Variants in BOC observed in about 807,000 individuals in gnomAD.
The protein encoded by BOC is BOC cell adhesion associated, oncogene regulated, also known as brother of CDO.
In BOC, 76 loss-of-function variants were observed where a neutral mutation model predicts 112.0. The ratio of observed to expected loss-of-function variants is 0.68; its 90% confidence interval spans 0.56 to 0.82. BOC has a LOEUF of 0.82. Ranked by LOEUF, BOC falls within the 40% of genes least tolerant of loss-of-function variation. The pLI is 0.00. For synonymous variants in BOC, 580 were observed against 599.8 expected (o/e 0.97, Z 0.48); for missense variants, 1,309 against 1,511.7 (o/e 0.87, Z 2.22).
chr3:113,214,984 A>G (rs1939067038), intron 1 of BOC, among the ~76,000 whole-genome samples: 1 of 152,234 alleles, frequency 6.6e-6, no homozygotes, highest in Non-Finnish European at 1.5e-5. Flanking sequence ...ATGTGCATGC[A>G]TACTTTTGAC....
intron 2 of BOC, among the ~76,000 whole-genome samples, chr3:113,221,652 A>G (rs1272879606): frequency 6.6e-6 from 1 of 152,110 alleles, no homozygotes; most frequent in East Asian, 1.9e-4. Flanking sequence ...TTCTATCAAC[A>G]TTTCTGGCTT....
chr3:113,286,747 G>A lies in BOC; in HGVS notation c.3233G>A (p.Gly1078Glu), dbSNP rs1374713758. The change falls in exon 20 of 20, where the codon GGA becomes GAA. Residue 1078 changes from glycine to glutamate, a missense_variant. Coordinates refer to ENST00000682979, the MANE Select transcript of BOC (RefSeq NM_001378074.1). ...CCTGACTCCTGCCAAGTGAGTGGAG[G>A]AGACTGGTGTCCCCAGCACCCCGTA... ...DSPDSCQVSG[G>E]DWCPQHPVGA... The A allele has an allele frequency of 6.2e-7, 1 of 1,613,868 alleles. No individual in the cohort carries two copies. Among genetic ancestry groups the A allele is most frequent in the Non-Finnish European group, 8.5e-7 (1 of 1,179,834 alleles).
At chr3:113,243,590 C>T (rs894202106) in intron 2 of BOC, among the ~76,000 whole-genome samples, 2 of 152,098 alleles carry the variant, frequency 1.3e-5, no homozygotes, top group South Asian at 2.1e-4. Context: ...TTCACTCAGG[C>T]GGTCGTAGGA....
chr3:113,274,331 A>G lies in BOC; in HGVS notation c.1235-44A>G, dbSNP rs2107674595. ...CCAGGAACAACAGCTCAGCAGGTAA[A>G]CCAGGAGACTAACCTTTCCTTCTGC... On this transcript the variant is annotated intron_variant, in intron 8 of 19. Transcript: ENST00000682979. This position sits in a 1 kb window ranked among gnomAD's most constrained non-coding sequence, Gnocchi z 4.8. 6.8e-7 allele frequency: 1 copy of G among 1,473,220 alleles called. No individual in the cohort carries two copies. The highest frequency in any genetic ancestry group is 9.0e-7 in the Non-Finnish European group (1 of 1,112,726). 91.3% of individuals were successfully genotyped at this position (1,473,220 alleles called of 1,614,324 possible).
chr3:113,236,319 G>GGTATATATATATATATATAAACATGA (rs1371125593), intron 2 of BOC, among the ~76,000 whole-genome samples: 1 of 44,510 alleles, frequency 2.2e-5, no homozygotes, highest in African/African-American at 6.0e-5. Flanking sequence ...TATACCCATG[G>GGTATATATATATATATATAAACATGA]AATACTGCTC....
chr3:113,274,316 C>G lies in BOC; in HGVS notation c.1235-59C>G. On this transcript the variant is annotated intron_variant, in intron 8 of 19. Coordinates refer to ENST00000682979, the MANE Select transcript of BOC (RefSeq NM_001378074.1). This position sits in a 1 kb window ranked among gnomAD's most constrained non-coding sequence, Gnocchi z 4.8. ...CTTTCTGTTTTCTCCCCAGGAACAA[C>G]AGCTCAGCAGGTAAACCAGGAGACT... The G allele has an allele frequency of 1.4e-6, 2 of 1,446,254 alleles. No homozygotes were observed. The highest frequency in any genetic ancestry group is 1.8e-6 in the Non-Finnish European group (2 of 1,093,080). The allele number at this position is 1,446,254 out of a possible 1,614,324, so 89.6% of individuals were successfully genotyped here. A position where few individuals can be genotyped will look rare whatever the true frequency, so the allele number is the denominator to read the frequency against.
Position 113,270,841 on chromosome 3 carries a change from G to A in BOC, c.564G>A (p.Val188=). ...LIMPSGNLQI[V]NASQEDEGMY... Reference sequence around the variant, plus strand: ...TGCCCTCAGGGAACCTCCAGATTGTGAATGCCAGCCAGGAGGACGAGGGCA... The same window carrying A: ...TGCCCTCAGGGAACCTCCAGATTGTAAATGCCAGCCAGGAGGACGAGGGCA... Residue 188 remains valine (V), a synonymous_variant, in exon 6 of 20, where the codon GTG becomes GTA. Coordinates refer to ENST00000682979, the MANE Select transcript of BOC (RefSeq NM_001378074.1). 1.9e-6 allele frequency: 3 copies of A among 1,613,984 alleles called. No individual in the cohort carries two copies. The highest frequency in any genetic ancestry group is 2.5e-6 in the Non-Finnish European group (3 of 1,179,904).
chr3:113,262,418 C>T (rs892010364), intron 4 of BOC, among the ~76,000 whole-genome samples: 1 of 152,218 alleles, frequency 6.6e-6, no homozygotes, highest in Non-Finnish European at 1.5e-5. Context: ...GCATAATAGA[C>T]AATTCTGCAG....
At chr3:113,256,755 A>ATG (rs142653702) in intron 4 of BOC, among the ~76,000 whole-genome samples, 18,357 of 151,256 alleles carry the variant, frequency 0.12, 1,217 homozygotes, top group African/African-American at 0.17. Flanking sequence ...TAATACATAT[A>ATG]TGTGTGTGTG....
At position 113,211,689 on chromosome 3, in the gene BOC, T is replaced by G. The variant is rs972020200; in HGVS notation, c.-497T>G. The G allele has an allele frequency of 6.6e-6, 1 of 151,962 alleles. No homozygotes were observed. 9.4% of individuals were successfully genotyped at this position (151,962 alleles called of 1,614,324 possible). A position where few individuals can be genotyped will look rare whatever the true frequency, so the allele number is the denominator to read the frequency against. On this transcript the variant is annotated 5_prime_UTR_variant, in exon 1 of 20. Coordinates refer to ENST00000682979, the MANE Select transcript of BOC (RefSeq NM_001378074.1). ...GGGACCCTGAGCCCCGGCCCGCCGG[T>G]GTCAGCCGCCGCGCGCGCGCACAGA...
intron 4 of BOC, among the ~76,000 whole-genome samples, chr3:113,255,618 A>G (rs935429370): frequency 1.3e-5 from 2 of 152,168 alleles, no homozygotes; most frequent in Non-Finnish European, 2.9e-5. Context: ...GTTAATGTGA[A>G]GTCTTAAGCT....
intron 4 of BOC, among the ~76,000 whole-genome samples, chr3:113,265,620 C>T (rs1283039994): frequency 2.0e-5 from 3 of 152,228 alleles, no homozygotes; most frequent in Non-Finnish European, 2.9e-5. Flanking sequence ...TTAGCTAGAA[C>T]ATGTTGAGCT....
chr3:113,249,500 C>T (rs960269999), intron 2 of BOC, among the ~76,000 whole-genome samples: 14 of 152,230 alleles, frequency 9.2e-5, no homozygotes, highest in African/African-American at 1.9e-4. Flanking sequence ...ATAAAATCAC[C>T]TTCTAGCTAG....
intron 2 of BOC, among the ~76,000 whole-genome samples, chr3:113,216,787 A>G (rs1482224520): frequency 1.3e-5 from 2 of 152,196 alleles, no homozygotes; most frequent in African/African-American, 2.4e-5. Context: ...TGTTTGGGAC[A>G]GGATTATTGG....
At chr3:113,254,571 G>A (rs561931507) in intron 4 of BOC, among the ~76,000 whole-genome samples, 9 of 152,336 alleles carry the variant, frequency 5.9e-5, no homozygotes, top group Admixed American at 1.3e-4. Context: ...AGTGGTAGAC[G>A]GGATTACCGA....
intron 2 of BOC, among the ~76,000 whole-genome samples, chr3:113,223,188 C>A (rs1200517932): frequency 6.6e-6 from 1 of 152,220 alleles, no homozygotes; most frequent in Non-Finnish European, 1.5e-5. Context: ...AATCCCAAAC[C>A]CCACATGTAA....
rs80021111 is a variant in BOC, at chr3:113,212,709, A to T, written c.-170+693A>T. ...GGTGAAAGAGGTGTGTGTGTGTGTG[A>T]GAGAGAGAGTTCGTGTGTGCGTGTA... On this transcript the variant is annotated intron_variant, in intron 1 of 19. Transcript: ENST00000682979. 4.6e-4 allele frequency: 64 copies of T among 140,264 alleles called. 1 individual carries two copies. The highest frequency in any genetic ancestry group is 4.4e-4 in the South Asian group (2 of 4,524). 8.7% of individuals were successfully genotyped at this position (140,264 alleles called of 1,614,324 possible).
chr3:113,223,237 C>T (rs1941059384), intron 2 of BOC, among the ~76,000 whole-genome samples: 1 of 152,228 alleles, frequency 6.6e-6, no homozygotes, highest in Admixed American at 6.5e-5. Context: ...AAGCCTCCAG[C>T]TCCAGTTTTG....
chr3:113,274,407 C>A lies in BOC; in HGVS notation c.1267C>A (p.Leu423Met). ...ITPRLWQDAE[L>M]ATGTPPVSPS... ...CCCAAGGCTATGGCAGGATGCTGAG[C>A]TGGCTACTGGCACACCTCCTGTATC... Residue 423 changes from leucine (L) to methionine (M), a missense_variant, in exon 9 of 20, where the codon CTG (leucine) becomes ATG (methionine). Leu to Met is a conservative substitution (Grantham distance 15). Transcript: ENST00000682979. This position sits in a 1 kb window ranked among gnomAD's most constrained non-coding sequence, Gnocchi z 4.8. 1 of 1,569,744 alleles carries A rather than the reference C, an allele frequency of 6.4e-7. No homozygotes were observed.
Sources: allele counts gnomAD v4.1 joint callset (sites outside exome capture counted in the v4.1 genomes callset), GRCh38; gene constraint gnomAD v4.1.1; non-coding constraint Gnocchi (gnomAD v3.1); transcripts MANE v1.5; gene names NCBI Gene and HGNC (gene_info 2026-07-23, HGNC 2026-07-21).